The following PPP1R12B variants were observed in gnomAD, a reference collection of about 807,000 sequenced individuals.
PPP1R12B encodes myosin phosphatase target subunit 2.
A neutral mutation model predicts 126.1 loss-of-function variants in PPP1R12B; 76 were observed. The ratio of observed to expected loss-of-function variants is 0.60; its 90% CI spans 0.50 to 0.73. The LOEUF (loss-of-function observed/expected upper bound fraction) is 0.73, where lower values mean the gene tolerates loss of function less well. Among genes scored for constraint, PPP1R12B ranks in the 30% least tolerant of loss-of-function variants. The probability of loss-of-function intolerance (pLI) is 0.00; values close to 1 mark genes in which losing one functional copy is unlikely to be tolerated. For missense variants in PPP1R12B, 1,052 were observed against 1,205.1 expected (o/e 0.87, Z 1.88); for synonymous variants, 356 against 434.7 (o/e 0.82, Z 2.25).
chr1:202,444,065 G>A (rs916600633), intron 12 of PPP1R12B, among the ~76,000 whole-genome samples: 2 of 152,068 alleles, frequency 1.3e-5, no homozygotes, highest in Non-Finnish European at 2.9e-5. Context: ...AACCTCTTAT[G>A]GTCTTTTTAA....
chr1:202,365,558 G>A (rs1659073031), intron 1 of PPP1R12B, among the ~76,000 whole-genome samples: 1 of 152,130 alleles, frequency 6.6e-6, no homozygotes, highest in African/African-American at 2.4e-5. Context: ...TCCACTTAAT[G>A]ATGAGGAAGA....
intron 1 of PPP1R12B, among the ~76,000 whole-genome samples, chr1:202,403,561 T>C (rs1666151486): frequency 6.6e-6 from 1 of 152,224 alleles, no homozygotes; most frequent in African/African-American, 2.4e-5. Flanking sequence ...CATGCCATGG[T>C]ATTCATGACA....
Position 202,528,884 on chromosome 1 carries a change from T to G in PPP1R12B, c.2491-29993T>G, listed in dbSNP as rs184918631. ...GAAATCTTAGGCATAGGGAAAAACT[T>G]TTATGTCATCTTCAGAGCTACAGCC... On this transcript the variant is annotated intron_variant, in intron 18 of 23. Transcript: ENST00000608999. Among the ~76,000 whole-genome samples the G allele has an allele frequency of 1.4e-4, 22 of 152,320 alleles. No homozygotes were observed. In the South Asian group the frequency reaches 1.7e-3, roughly 11 times the overall value.
chr1:202,410,621 A>G (rs1203184373), intron 1 of PPP1R12B, among the ~76,000 whole-genome samples: 3 of 152,182 alleles, frequency 2.0e-5, no homozygotes, highest in African/African-American at 7.2e-5. Context: ...TTTGCCTTTG[A>G]TATGGAGAGA....
intron 13 of PPP1R12B, among the ~76,000 whole-genome samples, chr1:202,482,997 A>G (rs1055978785): frequency 1.3e-5 from 2 of 152,204 alleles, no homozygotes; most frequent in African/African-American, 4.8e-5. Context: ...TTATTGAAGA[A>G]ACAGTTTCTC....
At chr1:202,516,632 A>C (rs1682179293) in intron 18 of PPP1R12B, among the ~76,000 whole-genome samples, 1 of 152,248 alleles carries the variant, frequency 6.6e-6, no homozygotes, top group Non-Finnish European at 1.5e-5. Flanking sequence ...CCGTTAAAAA[A>C]AAAAATCCTC....
At chr1:202,575,397 A>G in intron 23 of PPP1R12B, 1 of 432,984 alleles carries the variant, frequency 2.3e-6, no homozygotes, top group Non-Finnish European at 4.2e-6. Flanking sequence ...TCACCACATT[A>G]GCTTCTCTTC....
In PPP1R12B at chr1:202,416,525, T is replaced by TAAA. The variant is rs35476608; in HGVS notation, c.292-243_292-241dup. Reference sequence around the variant, plus strand: ...TGGGCAAAAAGAGTGAAACTCTGTCTAAAAAAAAAAAAAAAAAAAAAGATT... The same window carrying TAAA: ...TGGGCAAAAAGAGTGAAACTCTGTCTAAAAAAAAAAAAAAAAAAAAAAAAGATT... On this transcript the variant is annotated intron_variant, in intron 1 of 23. Coordinates refer to ENST00000608999, the MANE Select transcript of PPP1R12B (RefSeq NM_002481.4). Among the ~76,000 whole-genome samples, 443 of 111,592 alleles carry TAAA rather than the reference T, an allele frequency of 4.0e-3. 5 individuals carry two copies. Among genetic ancestry groups the TAAA allele is most frequent in the African/African-American group, 0.014 (401 of 28,296 alleles). The allele number at this position is 111,592 out of a possible 152,430, so 73.2% of individuals were successfully genotyped here.
chr1:202,577,729 A>G (rs1689221875), intron 23 of PPP1R12B, among the ~76,000 whole-genome samples: 2 of 152,136 alleles, frequency 1.3e-5, no homozygotes, highest in African/African-American at 4.8e-5. Context: ...CTCTCAACCT[A>G]CAGCTAGCCT....
chr1:202,403,013 A>G (rs1372986535), intron 1 of PPP1R12B, among the ~76,000 whole-genome samples: 1 of 152,226 alleles, frequency 6.6e-6, no homozygotes, highest in Non-Finnish European at 1.5e-5. Flanking sequence ...TTGTGTGGGT[A>G]TATGGGGGGG....
intron 10 of PPP1R12B, chr1:202,438,745 A>ATG (rs1356634202): frequency 1.8e-4 from 128 of 699,414 alleles, no homozygotes; most frequent in African/African-American, 1.7e-3. Flanking sequence ...TCGTGAGAGA[A>ATG]CAGCATGTGG....
At position 202,437,867 on chromosome 1, in the gene PPP1R12B, C is replaced by A; in HGVS notation, c.1301C>A (p.Ser434Tyr). The A allele has an allele frequency of 4.3e-6, 7 of 1,613,900 alleles. No individual in the cohort carries two copies. The highest frequency in any genetic ancestry group is 5.9e-6 in the Non-Finnish European group (7 of 1,179,790). ...AAGCCAGAAGAGCCCAAAGATGAAT[C>A]TCCTTCTTCATGGAGATTGGGACTG... ...FNKPEEPKDESPSSWRLGLRK... is the reference protein window; with the variant it reads ...FNKPEEPKDEYPSSWRLGLRK... The change falls in exon 10 of 24, where the codon TCT (serine) becomes TAT (tyrosine). Residue 434 changes from serine (S) to tyrosine (Y), a missense_variant. Transcript: ENST00000608999.
intron 18 of PPP1R12B, among the ~76,000 whole-genome samples, chr1:202,501,367 A>T (rs1680209678): frequency 6.6e-6 from 1 of 152,102 alleles, no homozygotes; most frequent in African/African-American, 2.4e-5. Flanking sequence ...TTTGGCCTGG[A>T]TTCCATTTTC....
intron 12 of PPP1R12B, among the ~76,000 whole-genome samples, chr1:202,445,823 C>CT (rs1314701429): frequency 3.3e-5 from 5 of 152,102 alleles, no homozygotes; most frequent in African/African-American, 1.2e-4. Flanking sequence ...TAGAATGTTA[C>CT]TGTGAAAGTA....
chr1:202,351,700 A>T (rs1473088272), intron 1 of PPP1R12B, among the ~76,000 whole-genome samples: 1 of 152,238 alleles, frequency 6.6e-6, no homozygotes, highest in Non-Finnish European at 1.5e-5. Context: ...CATTTGTTAT[A>T]CAAGCACGAT....
At chr1:202,439,490 A>T in intron 10 of PPP1R12B, 1 of 1,518,382 alleles carries the variant, frequency 6.6e-7, no homozygotes, top group Non-Finnish European at 9.0e-7. Context: ...GGTCCAGCCC[A>T]TGGAAGTGGC....
At chr1:202,415,238 A>G (rs1667917917) in intron 1 of PPP1R12B, among the ~76,000 whole-genome samples, 3 of 152,006 alleles carry the variant, frequency 2.0e-5, no homozygotes, top group Non-Finnish European at 4.4e-5. Flanking sequence ...TTATTTTTTT[A>G]ACTGTATGTG....
chr1:202,380,878 T>G (rs1662136333), intron 1 of PPP1R12B, among the ~76,000 whole-genome samples: 1 of 152,242 alleles, frequency 6.6e-6, no homozygotes, highest in Non-Finnish European at 1.5e-5. Context: ...TGAAAGTCAC[T>G]GTCTTTTGAT....
chr1:202,434,988 C>T (rs959880183), intron 9 of PPP1R12B, among the ~76,000 whole-genome samples: 3 of 152,124 alleles, frequency 2.0e-5, no homozygotes, highest in Admixed American at 2.0e-4. Context: ...AGGTACCAGC[C>T]AGTTCAGTTC....
Sources: gnomAD v4.1 joint callset for allele counts (sites outside exome capture counted in the v4.1 genomes callset) on GRCh38, gnomAD v4.1.1 for gene constraint, MANE v1.5 for transcripts, NCBI Gene and HGNC (gene_info 2026-07-23, HGNC 2026-07-21) for gene names.